The following SMYD3 variants were observed in gnomAD, a reference collection of about 807,000 sequenced individuals.
The protein encoded by SMYD3 is SET and MYND domain containing 3.
A neutral mutation model predicts 57.7 loss-of-function variants in SMYD3; 36 were observed. The observed-to-expected ratio is 0.62, with a 90% CI of 0.48 to 0.82. The LOEUF is 0.82. Ranked by LOEUF, SMYD3 falls within the 40% of genes least tolerant of loss-of-function variation. The probability of loss-of-function intolerance (pLI) is 0.00; values close to 1 mark genes in which losing one functional copy is unlikely to be tolerated. For synonymous variants in SMYD3, 211 were observed against 195.0 expected, an observed-to-expected ratio of 1.08 and a Z score of -0.68; for missense variants, 515 against 538.8, an observed-to-expected ratio of 0.96 and a Z score of 0.44.
At chr1:245,915,816 T>C (rs1020759264) in intron 7 of SMYD3, among the ~76,000 whole-genome samples, 176 bp from the exon 8 acceptor site, 5 of 152,246 alleles carry the variant, frequency 3.3e-5, no homozygotes, top group African/African-American at 1.2e-4. Context: ...CGTAAATTTT[T>C]AATCTATTTC....
intron 5 of SMYD3, among the ~76,000 whole-genome samples, chr1:246,302,548 T>C (rs1222612451): frequency 1.3e-5 from 2 of 152,208 alleles, no homozygotes; most frequent in East Asian, 3.9e-4. Context: ...GAAGACTACT[T>C]CTGTTACAAT....
At chr1:246,188,451 T>G (rs2062680136) in intron 5 of SMYD3, among the ~76,000 whole-genome samples, 1 of 152,168 alleles carries the variant, frequency 6.6e-6, no homozygotes, top group Non-Finnish European at 1.5e-5. Context: ...AATTTTCACT[T>G]TAACCATTTT....
intron 5 of SMYD3, among the ~76,000 whole-genome samples, chr1:245,997,435 C>A (rs1439450194): frequency 1.3e-5 from 2 of 152,234 alleles, no homozygotes; most frequent in African/African-American, 4.8e-5. Context: ...CCTTCCTCCT[C>A]AACATGCTTC....
chr1:246,170,900 G>A (rs1198562495), intron 5 of SMYD3, among the ~76,000 whole-genome samples: 1 of 151,986 alleles, frequency 6.6e-6, no homozygotes, highest in African/African-American at 2.4e-5. Flanking sequence ...GCTAAATACT[G>A]TATTTTGCAA....
intron 8 of SMYD3, among the ~76,000 whole-genome samples, chr1:245,899,636 G>A (rs939220844): frequency 1.3e-5 from 2 of 152,156 alleles, no homozygotes; most frequent in African/African-American, 4.8e-5. Context: ...AATGGTCAAT[G>A]TTATATGTTA....
At chr1:246,157,439 C>G (rs2062039017) in intron 5 of SMYD3, among the ~76,000 whole-genome samples, 1 of 152,168 alleles carries the variant, frequency 6.6e-6, no homozygotes, top group Admixed American at 6.5e-5. Flanking sequence ...AAGACAGGCT[C>G]TCATCCGGTC....
rs2065442383 is a variant in SMYD3, at chr1:246,330,533, T to C, written c.341A>G (p.Asp114Gly). ...LLGRVVFKLMDGAPSESEKLY... is the reference protein window; with the variant it reads ...LLGRVVFKLMGGAPSESEKLY... ...CTTCTCTGATTCTGAAGGTGCTCCATCCATCTGTGAAGGAAAAGGGGAAAA... is the reference window on the plus strand; with the variant it reads ...CTTCTCTGATTCTGAAGGTGCTCCACCCATCTGTGAAGGAAAAGGGGAAAA... The change falls in exon 4 of 12, where the codon GAT (aspartate) becomes GGT (glycine). Residue 114 changes from aspartate (D) to glycine (G), a missense_variant. Asp to Gly is a moderately conservative substitution (Grantham distance 94). Transcript: ENST00000490107. The C allele has an allele frequency of 6.3e-7, 1 of 1,591,154 alleles. No individual in the cohort carries two copies. Among genetic ancestry groups the C allele is most frequent in the Non-Finnish European group, 8.5e-7 (1 of 1,170,648 alleles).
intron 10 of SMYD3, among the ~76,000 whole-genome samples, chr1:245,839,943 GAA>G: frequency 6.6e-6 from 1 of 152,174 alleles, no homozygotes; most frequent in Middle Eastern, 3.4e-3. Flanking sequence ...CCAAAAACAA[GAA>G]AGAGTTCTTG....
chr1:245,910,189 C>A (rs73126379), intron 8 of SMYD3, among the ~76,000 whole-genome samples: 2 of 152,028 alleles, frequency 1.3e-5, no homozygotes, highest in African/African-American at 4.8e-5. Flanking sequence ...ATAAAGAAAG[C>A]AATCCCATTT....
At chr1:245,985,093 T>C (rs1421386099) in intron 5 of SMYD3, among the ~76,000 whole-genome samples, 1 of 151,976 alleles carries the variant, frequency 6.6e-6, no homozygotes, top group Non-Finnish European at 1.5e-5. Flanking sequence ...TTTTATAACC[T>C]CTCCCTATCC....
At chr1:246,040,225 C>A (rs1290811082) in intron 5 of SMYD3, among the ~76,000 whole-genome samples, 1 of 152,030 alleles carries the variant, frequency 6.6e-6, no homozygotes, top group Non-Finnish European at 1.5e-5. Context: ...TTAATAACAA[C>A]AAAGATGAAA....
intron 5 of SMYD3, among the ~76,000 whole-genome samples, chr1:246,313,803 A>C (rs2065116476): frequency 6.6e-6 from 1 of 152,258 alleles, no homozygotes; most frequent in Non-Finnish European, 1.5e-5. Context: ...TATACACTGC[A>C]TATATAGTTT....
chr1:245,817,763 G>A (rs2048934659), intron 10 of SMYD3, among the ~76,000 whole-genome samples: 1 of 152,164 alleles, frequency 6.6e-6, no homozygotes, highest in South Asian at 2.1e-4. Flanking sequence ...GAAGCCTCAG[G>A]AGCCGATGTG....
At chr1:246,234,081 T>C (rs201672859) in intron 5 of SMYD3, among the ~76,000 whole-genome samples, 2 of 107,428 alleles carry the variant, frequency 1.9e-5, no homozygotes, top group Non-Finnish European at 1.9e-5. Flanking sequence ...CTCCTTCAAT[T>C]CACACTGTGA....
intron 5 of SMYD3, among the ~76,000 whole-genome samples, chr1:246,078,230 A>G (rs186130841): frequency 6.6e-6 from 1 of 152,256 alleles, no homozygotes; most frequent in Admixed American, 6.5e-5. Context: ...ATTAAATAGA[A>G]TTTATGGGAG....
At chr1:246,431,436 G>C (rs2067295135) in intron 1 of SMYD3, among the ~76,000 whole-genome samples, 1 of 152,122 alleles carries the variant, frequency 6.6e-6, no homozygotes, top group South Asian at 2.1e-4. Context: ...CTTGCTAAAA[G>C]GAGCAACTTT....
chr1:245,762,928 C>T (rs12025458), intron 11 of SMYD3, among the ~76,000 whole-genome samples: 12,637 of 152,142 alleles, frequency 0.083, 952 homozygotes, highest in East Asian at 0.4. Context: ...CTATGATACC[C>T]GCACGCCAGG....
intron 5 of SMYD3, among the ~76,000 whole-genome samples, chr1:246,078,176 T>C (rs976118003): frequency 6.6e-6 from 1 of 152,134 alleles, no homozygotes; most frequent in African/African-American, 2.4e-5. Flanking sequence ...TATTGGGCTA[T>C]TGTTATCCCA....
chr1:246,325,382 C>G (rs1372854223), intron 5 of SMYD3, among the ~76,000 whole-genome samples: 1 of 151,842 alleles, frequency 6.6e-6, no homozygotes, highest in African/African-American at 2.4e-5. Flanking sequence ...AAAACTTTCA[C>G]CAGAAAGTAC....
Sources: allele counts gnomAD v4.1 joint callset (sites outside exome capture counted in the v4.1 genomes callset), GRCh38; gene constraint gnomAD v4.1.1; transcripts MANE v1.5; gene names NCBI Gene and HGNC (gene_info 2026-07-23, HGNC 2026-07-21).